Variants in PCDHGB7 observed in about 807,000 individuals in gnomAD.
The protein encoded by PCDHGB7 is protocadherin gamma subfamily B, 7.
Under a neutral mutation model 61.4 loss-of-function variants are expected in PCDHGB7, and 37 were observed. The ratio of observed to expected loss-of-function variants is 0.60; its 90% CI spans 0.46 to 0.79. PCDHGB7 has a LOEUF of 0.79. PCDHGB7 is among the 30% of genes least tolerant of loss of function. PCDHGB7 has a pLI of 0.00. For missense variants in PCDHGB7, 1,166 were observed against 1,202.5 expected (o/e 0.97, Z 0.45); for synonymous variants, 464 against 503.5 (o/e 0.92, Z 1.05).
intron 1 of PCDHGB7, chr5:141,441,702 A>G: frequency 3.2e-6 from 1 of 309,906 alleles, no homozygotes. Context: ...GCGAGCCTTC[A>G]AGCTCACGCT....
chr5:141,474,626 G>A (rs1006911535), intron 1 of PCDHGB7, among the ~76,000 whole-genome samples: 5 of 152,288 alleles, frequency 3.3e-5, no homozygotes, highest in African/African-American at 9.6e-5. Flanking sequence ...CATCTCTTCC[G>A]GAAATATCCT....
At chr5:141,471,422 A>T (rs919676109) in intron 1 of PCDHGB7, 5 of 152,176 alleles carry the variant, frequency 3.3e-5, no homozygotes, top group Non-Finnish European at 5.9e-5. Context: ...GTTTTTAGCA[A>T]GGAAAGTGTA....
At chr5:141,452,527 G>A (rs1164238830) in intron 1 of PCDHGB7, among the ~76,000 whole-genome samples, 1 of 152,156 alleles carries the variant, frequency 6.6e-6, no homozygotes, top group Non-Finnish European at 1.5e-5. Flanking sequence ...TCAAAATCGT[G>A]AGTTCATATT....
chr5:141,483,870 G>C (rs548525439), intron 1 of PCDHGB7, among the ~76,000 whole-genome samples: 9 of 152,142 alleles, frequency 5.9e-5, no homozygotes, highest in Non-Finnish European at 1.3e-4. Context: ...TCCAGATCAG[G>C]ATGGATTTTT....
chr5:141,459,939 G>A (rs377668643), intron 1 of PCDHGB7, among the ~76,000 whole-genome samples: 7 of 152,256 alleles, frequency 4.6e-5, no homozygotes, highest in Non-Finnish European at 7.4e-5. Flanking sequence ...GTAGCTGGGC[G>A]TGATGGCAGG....
rs1561858566 is a variant in PCDHGB7 at position 141,432,177 on chromosome 5, C to G, written c.2415+11903C>G. ...AATCCCAGAGGAGTTTCCCTCGTCTCTGTGACCGCCCACGACCCCGACTGT... is the reference window on the plus strand; with the variant it reads ...AATCCCAGAGGAGTTTCCCTCGTCTGTGTGACCGCCCACGACCCCGACTGT... On this transcript the variant is annotated intron_variant, in intron 1 of 3. Transcript: ENST00000398594. This position sits in a 1 kb window ranked among gnomAD's most constrained non-coding sequence, Gnocchi z 6.0. The G allele has an allele frequency of 6.2e-7, 1 of 1,614,220 alleles. No homozygotes were observed. Among genetic ancestry groups the G allele is most frequent in the Admixed American group, 1.7e-5 (1 of 60,032 alleles).
Position 141,477,016 on chromosome 5 carries a change from A to G in PCDHGB7, c.2416-17791A>G, listed in dbSNP as rs2099403497. Reference sequence around the variant, plus strand: ...GGCAACTATTCGCCTTAGACCTTGTAACCGGGATGCTGACAATCAAGGGTC... The same window carrying G: ...GGCAACTATTCGCCTTAGACCTTGTGACCGGGATGCTGACAATCAAGGGTC... On this transcript the variant is annotated intron_variant, in intron 1 of 3. Transcript: ENST00000398594. The surrounding 1 kb of genome is among the most constrained non-coding windows in gnomAD (Gnocchi z 4.9). 4.3e-6 allele frequency: 7 copies of G among 1,614,130 alleles called. No homozygotes were observed. The highest frequency in any genetic ancestry group is 5.9e-6 in the Non-Finnish European group (7 of 1,180,050).
In PCDHGB7 at chr5:141,485,124, C is replaced by A; in HGVS notation, c.2416-9683C>A. ...GCTGCTGTGGCTGTTTGGGGCGGGT[C>A]GGCTTCATCCGCGTCTCAGGAGCAA... is the stretch of plus-strand genomic sequence containing the variant. On this transcript the variant is annotated intron_variant, in intron 1 of 3. Transcript: ENST00000398594. The surrounding 1 kb of genome is among the most constrained non-coding windows in gnomAD (Gnocchi z 5.7). 2 of 1,390,136 alleles carry A rather than the reference C, an allele frequency of 1.4e-6. No homozygotes were observed. The highest frequency in any genetic ancestry group is 2.5e-5 in the South Asian group (2 of 80,180). 86.1% of individuals were successfully genotyped at this position (1,390,136 alleles called of 1,614,324 possible). A position where few individuals can be genotyped will look rare whatever the true frequency, so the allele number is the denominator to read the frequency against.
chr5:141,435,890 A>G (rs2097784923), intron 1 of PCDHGB7, among the ~76,000 whole-genome samples: 1 of 152,176 alleles, frequency 6.6e-6, no homozygotes, highest in Non-Finnish European at 1.5e-5. Context: ...AACCCCTTAG[A>G]GAATGAAAGA....
intron 1 of PCDHGB7, among the ~76,000 whole-genome samples, chr5:141,442,736 A>C (rs2098340663): frequency 6.6e-6 from 1 of 152,226 alleles, no homozygotes; most frequent in African/African-American, 2.4e-5. Flanking sequence ...CCTGTAGGTA[A>C]GGAGCATGTT....
At position 141,432,942 on chromosome 5, in the gene PCDHGB7, C is replaced by G. The variant is rs1346694514; in HGVS notation, c.2415+12668C>G. ...CACAAGTCACGCCTGCTGCAGGCTT[C>G]AGGAGGCGGCTTGACAGGAGCGCCG... On this transcript the variant is annotated intron_variant, in intron 1 of 3. Coordinates refer to ENST00000398594, the MANE Select transcript of PCDHGB7 (RefSeq NM_018927.4). The surrounding 1 kb of genome is among the most constrained non-coding windows in gnomAD (Gnocchi z 6.0). The G allele has an allele frequency of 1.2e-6, 2 of 1,614,190 alleles. No individual in the cohort carries two copies. Among genetic ancestry groups the G allele is most frequent in the Non-Finnish European group, 1.7e-6 (2 of 1,180,036 alleles).
At chr5:141,438,290 A>G (rs1043285243) in intron 1 of PCDHGB7, among the ~76,000 whole-genome samples, 5 of 152,074 alleles carry the variant, frequency 3.3e-5, no homozygotes, top group East Asian at 3.9e-4. Flanking sequence ...TTTAATCTGT[A>G]TGTAAAAGAA....
Position 141,489,592 on chromosome 5 carries a change from C to T in PCDHGB7, c.2416-5215C>T, listed in dbSNP as rs747085985. 1.3e-5 allele frequency: 21 copies of T among 1,613,928 alleles called. No individual in the cohort carries two copies. The East Asian group carries it at 1.6e-4, about 12-fold the overall frequency. ...GACTGAACACCCCCTGGAGCTAATC[C>T]GTGTAGAGGTAGAGATCCTGGATCT... is the stretch of plus-strand genomic sequence containing the variant. On this transcript the variant is annotated intron_variant, in intron 1 of 3. Transcript: ENST00000398594. This position sits in a 1 kb window ranked among gnomAD's most constrained non-coding sequence, Gnocchi z 4.5.
intron 2 of PCDHGB7, 34 bp from the exon 3 acceptor site, chr5:141,505,359 G>T: frequency 1.9e-6 from 3 of 1,613,870 alleles, no homozygotes; most frequent in Non-Finnish European, 2.5e-6. Context: ...TGCCGGCCTG[G>T]GAGTCTGTGC....
At chr5:141,430,925 C>G (rs1313621122) in intron 1 of PCDHGB7, 2 of 1,607,162 alleles carry the variant, frequency 1.2e-6, no homozygotes, top group Non-Finnish European at 8.5e-7. Context: ...GGGGCTGGAG[C>G]CCCGGGAGCT....
rs1245526846 is a variant in PCDHGB7, at chr5:141,512,505, C to T, written c.*1332C>T. ...GCCACTGCCCAGGTCCCCAGTGCGCCCCCTAGTGGCCATAGCCTGGTTAAA... is the reference window on the plus strand; with the variant it reads ...GCCACTGCCCAGGTCCCCAGTGCGCTCCCTAGTGGCCATAGCCTGGTTAAA... On this transcript the variant is annotated 3_prime_UTR_variant, in exon 4 of 4. Transcript: ENST00000398594. The T allele has an allele frequency of 1.3e-5, 2 of 152,888 alleles. No individual in the cohort carries two copies. The highest frequency in any genetic ancestry group is 4.8e-5 in the African/African-American group (2 of 41,466). 9.5% of individuals were successfully genotyped at this position (152,888 alleles called of 1,614,324 possible). A position where few individuals can be genotyped will look rare whatever the true frequency, so the allele number is the denominator to read the frequency against.
intron 2 of PCDHGB7, among the ~76,000 whole-genome samples, chr5:141,496,125 T>C (rs1318749514): frequency 6.8e-6 from 1 of 146,032 alleles, no homozygotes; most frequent in Non-Finnish European, 1.5e-5. Context: ...TCCCTGCCCC[T>C]CACACACTGA....
At position 141,486,881 on chromosome 5, in the gene PCDHGB7, G is replaced by T. The variant is rs114512641; in HGVS notation, c.2416-7926G>T. The T allele has an allele frequency of 1.3e-5, 21 of 1,614,090 alleles. No homozygotes were observed. The East Asian group carries it at 4.7e-4, about 36-fold the overall frequency. ...TGCTCCAGCTGTGCTCCGTCCTCGG[G>T]CCCGGCCTGGTTCCTTATGTCCCCA... is the stretch of plus-strand genomic sequence containing the variant. On this transcript the variant is annotated intron_variant, in intron 1 of 3. Coordinates refer to ENST00000398594, the MANE Select transcript of PCDHGB7 (RefSeq NM_018927.4). This position sits in a 1 kb window ranked among gnomAD's most constrained non-coding sequence, Gnocchi z 5.0.
intron 1 of PCDHGB7, among the ~76,000 whole-genome samples, chr5:141,469,289 A>G (rs2154570270): frequency 6.6e-6 from 1 of 151,932 alleles, no homozygotes; most frequent in South Asian, 2.1e-4. Flanking sequence ...AAAATAAAAC[A>G]AAATAGACTG....
Sources: allele counts gnomAD v4.1 joint callset (sites outside exome capture counted in the v4.1 genomes callset), GRCh38; gene constraint gnomAD v4.1.1; non-coding constraint Gnocchi (gnomAD v3.1); transcripts MANE v1.5; gene names NCBI Gene and HGNC (gene_info 2026-07-23, HGNC 2026-07-21).